The following PARD6G variants were observed in gnomAD, a reference collection of about 807,000 sequenced individuals.
PARD6G encodes the protein par-6 family cell polarity regulator gamma.
A neutral mutation model predicts 10.7 loss-of-function variants in PARD6G; 7 were observed. That is an observed-to-expected ratio of 0.66 (90% CI 0.37 to 1.23). The LOEUF is 1.23. Ranked by LOEUF, PARD6G falls within the 50% of genes most tolerant of loss-of-function variation. The probability of loss-of-function intolerance (pLI) is 0.02; values close to 1 mark genes in which losing one functional copy is unlikely to be tolerated. For synonymous variants in PARD6G, 287 were observed against 269.4 expected (o/e 1.07, Z -0.64); for missense variants, 548 against 571.8 (o/e 0.96, Z 0.42).
intron 1 of PARD6G, among the ~76,000 whole-genome samples, chr18:80,226,271 G>A (rs1599873438): frequency 6.8e-6 from 1 of 147,444 alleles, no homozygotes; most frequent in Non-Finnish European, 1.5e-5. Flanking sequence ...CCTGGGTTCA[G>A]GCGATTCTCC....
At chr18:80,195,501 C>G (rs1449093942) in intron 2 of PARD6G, among the ~76,000 whole-genome samples, 2 of 142,770 alleles carry the variant, frequency 1.4e-5, no homozygotes, top group Non-Finnish European at 3.0e-5. Flanking sequence ...AGGGAAAATT[C>G]AAAGATCAGG....
At position 80,201,637 on chromosome 18, in the gene PARD6G, T is replaced by C. The variant is rs1967007867; in HGVS notation, c.295+1073A>G. 6.6e-6 allele frequency among the ~76,000 whole-genome samples: 1 copy of C among 152,220 alleles called. No individual in the cohort carries two copies. The highest frequency in any genetic ancestry group is 2.4e-5 in the African/African-American group (1 of 41,452). On this transcript the variant is annotated intron_variant, in intron 2 of 2. Coordinates refer to ENST00000353265, the MANE Select transcript of PARD6G (RefSeq NM_032510.4). This position sits in a 1 kb window ranked among gnomAD's most constrained non-coding sequence, Gnocchi z 5.9. ...AGTGAGGTCAACGAGTCTCCTGCCG[T>C]TCCCTTCATCACCACAAATGGGAAT...
At chr18:80,167,010 T>G (rs2052740500) in intron 2 of PARD6G, among the ~76,000 whole-genome samples, 1 of 152,084 alleles carries the variant, frequency 6.6e-6, no homozygotes, top group Non-Finnish European at 1.5e-5. Flanking sequence ...CATCTAAAGG[T>G]GCAGGGCTCC....
intron 2 of PARD6G, among the ~76,000 whole-genome samples, chr18:80,166,551 C>T (rs1411724136): frequency 6.7e-6 from 1 of 149,092 alleles, no homozygotes; most frequent in East Asian, 1.9e-4. Flanking sequence ...GATCTAGTTG[C>T]CCCAAACACA....
At chr18:80,243,089 G>T (rs1017783374) in intron 1 of PARD6G, among the ~76,000 whole-genome samples, 1 of 151,852 alleles carries the variant, frequency 6.6e-6, no homozygotes, top group African/African-American at 2.4e-5. Flanking sequence ...ATTTTGCACT[G>T]GTTTAATATA....
In PARD6G at chr18:80,200,132, C is replaced by T. The variant is rs1048957433; in HGVS notation, c.295+2578G>A. Reference sequence around the variant, plus strand: ...GGCTGCAGTAGAATCTTGAAAATAGCATGACCGTGACTGACCCCTCGACAC... The same window carrying T: ...GGCTGCAGTAGAATCTTGAAAATAGTATGACCGTGACTGACCCCTCGACAC... On this transcript the variant is annotated intron_variant, in intron 2 of 2. Coordinates refer to ENST00000353265, the MANE Select transcript of PARD6G (RefSeq NM_032510.4). The surrounding 1 kb of genome is among the most constrained non-coding windows in gnomAD (Gnocchi z 4.4). 1.3e-5 allele frequency among the ~76,000 whole-genome samples: 2 copies of T among 152,110 alleles called. No homozygotes were observed. Among genetic ancestry groups the T allele is most frequent in the Non-Finnish European group, 2.9e-5 (2 of 68,014 alleles).
chr18:80,176,940 A>AGCAT lies in PARD6G; in HGVS notation c.296-16338_296-16335dup, dbSNP rs557535879. Among the ~76,000 whole-genome samples, 493 of 151,140 alleles carry AGCAT rather than the reference A, an allele frequency of 3.3e-3. 5 individuals carry two copies. The highest frequency in any genetic ancestry group is 4.8e-3 in the Non-Finnish European group (325 of 67,708). On this transcript the variant is annotated intron_variant, in intron 2 of 2. Transcript: ENST00000353265. ...AGGATAAATCACAGTCCAGATGGGA[A>AGCAT]GCATGCATGCACACACACACAGGCA...
At chr18:80,168,075 C>T (rs1401325164) in intron 2 of PARD6G, among the ~76,000 whole-genome samples, 2 of 152,120 alleles carry the variant, frequency 1.3e-5, no homozygotes, top group African/African-American at 4.8e-5. Context: ...AAGAGATGGG[C>T]CGGCCGTGGT....
chr18:80,236,388 C>A (rs1361590402), intron 1 of PARD6G, among the ~76,000 whole-genome samples: 1 of 152,192 alleles, frequency 6.6e-6, no homozygotes, highest in African/African-American at 2.4e-5. Context: ...AACCCACAGC[C>A]AATATCATCT....
chr18:80,185,354 A>G (rs1377344362), intron 2 of PARD6G, among the ~76,000 whole-genome samples: 1 of 151,956 alleles, frequency 6.6e-6, no homozygotes, highest in Non-Finnish European at 1.5e-5. Flanking sequence ...TGCCCAGGCT[A>G]GCTGTGAACT....
chr18:80,181,711 T>TC lies in PARD6G; in HGVS notation c.295+20998dup, dbSNP rs1027125212. Among the ~76,000 whole-genome samples, 5 of 152,052 alleles carry TC rather than the reference T, an allele frequency of 3.3e-5. No individual in the cohort carries two copies. Among genetic ancestry groups the TC allele is most frequent in the African/African-American group, 1.2e-4 (5 of 41,382 alleles). ...GCCAACCTGGAGCCTGGCCCTTCCC[T>TC]CCTTCCTGGCTGGAAGCTGCTTTCA... On this transcript the variant is annotated intron_variant, in intron 2 of 2. Coordinates refer to ENST00000353265, the MANE Select transcript of PARD6G (RefSeq NM_032510.4). This position sits in a 1 kb window ranked among gnomAD's most constrained non-coding sequence, Gnocchi z 7.9.
chr18:80,181,623 C>A lies in PARD6G; in HGVS notation c.296-21017G>T, dbSNP rs747595119. Among the ~76,000 whole-genome samples the A allele has an allele frequency of 2.6e-5, 4 of 152,102 alleles. No individual in the cohort carries two copies. Among genetic ancestry groups the A allele is most frequent in the Non-Finnish European group, 5.9e-5 (4 of 68,016 alleles). On this transcript the variant is annotated intron_variant, in intron 2 of 2. Transcript: ENST00000353265. This position sits in a 1 kb window ranked among gnomAD's most constrained non-coding sequence, Gnocchi z 7.9. ...CTCTCCCAACAAGGAGGGTCTCCTCCCCATCCTCCCTCATCAGCGACTGTG... is the reference window on the plus strand; with the variant it reads ...CTCTCCCAACAAGGAGGGTCTCCTCACCATCCTCCCTCATCAGCGACTGTG...
At chr18:80,211,445 C>T (rs1337443648) in intron 1 of PARD6G, among the ~76,000 whole-genome samples, 2 of 152,196 alleles carry the variant, frequency 1.3e-5, no homozygotes, top group Non-Finnish European at 2.9e-5. Flanking sequence ...AATTGGAATC[C>T]TTGTGCACGA....
intron 1 of PARD6G, among the ~76,000 whole-genome samples, chr18:80,230,719 G>A (rs2145301376): frequency 6.6e-6 from 1 of 152,300 alleles, no homozygotes; most frequent in South Asian, 2.1e-4. Context: ...CTAAATGTAG[G>A]AGGTGGGAGG....
chr18:80,221,399 G>T (rs570599926), intron 1 of PARD6G, among the ~76,000 whole-genome samples: 1 of 152,216 alleles, frequency 6.6e-6, no homozygotes, highest in East Asian at 1.9e-4. Flanking sequence ...TGCAAGGTTG[G>T]TTTAGCATTC....
At chr18:80,174,847 G>A (rs1340952940) in intron 2 of PARD6G, among the ~76,000 whole-genome samples, 1 of 152,074 alleles carries the variant, frequency 6.6e-6, no homozygotes, top group Non-Finnish European at 1.5e-5. Context: ...CCAGCTACTC[G>A]AGAGGCTGAG....
chr18:80,198,149 G>A (rs561153425), intron 2 of PARD6G, among the ~76,000 whole-genome samples: 34 of 152,298 alleles, frequency 2.2e-4, no homozygotes, highest in African/African-American at 7.7e-4. Context: ...GAGAACGTCC[G>A]GATCATCCCA....
rs58158283 is a variant in PARD6G at position 80,182,545 on chromosome 18, T to C, written c.295+20165A>G. Among the ~76,000 whole-genome samples the C allele has an allele frequency of 6.6e-6, 1 of 152,226 alleles. No individual in the cohort carries two copies. Among genetic ancestry groups the C allele is most frequent in the African/African-American group, 2.4e-5 (1 of 41,444 alleles). On this transcript the variant is annotated intron_variant, in intron 2 of 2. Coordinates refer to ENST00000353265, the MANE Select transcript of PARD6G (RefSeq NM_032510.4). The surrounding 1 kb of genome is among the most constrained non-coding windows in gnomAD (Gnocchi z 4.5). ...AACTGTGAATGCATTTCCCATAACA[T>C]CTGAAAATGTACACTAAAAATCAAG...
intron 1 of PARD6G, among the ~76,000 whole-genome samples, chr18:80,222,921 C>T (rs1231189301): frequency 6.6e-6 from 1 of 152,192 alleles, no homozygotes; most frequent in Non-Finnish European, 1.5e-5. Context: ...AGCAATCCAC[C>T]TGCCTCAGCC....
Sources: gnomAD v4.1 joint callset for allele counts (sites outside exome capture counted in the v4.1 genomes callset) on GRCh38, gnomAD v4.1.1 for gene constraint, Gnocchi (gnomAD v3.1) non-coding constraint, MANE v1.5 for transcripts, NCBI Gene and HGNC (gene_info 2026-07-23, HGNC 2026-07-21) for gene names.